C2: variants seen among roughly 807,000 people sequenced by gnomAD.
C2 encodes complement C2, also known as C3/C5 convertase.
In C2, 64 loss-of-function variants were observed where a neutral mutation model predicts 85.2. The ratio of observed to expected loss-of-function variants is 0.75; its 90% CI spans 0.61 to 0.92. C2 has a LOEUF of 0.92. C2 is among the 40% of genes least tolerant of loss of function. The pLI is 0.00. For missense variants in C2, 820 were observed against 971.6 expected, an observed-to-expected ratio of 0.84 and a Z score of 2.07; for synonymous variants, 311 against 370.8, an observed-to-expected ratio of 0.84 and a Z score of 1.85.
chr6:31,912,732 C>G (rs1237383482), intron 1 of C2, among the ~76,000 whole-genome samples: 1 of 151,560 alleles, frequency 6.6e-6, no homozygotes, highest in Non-Finnish European at 1.5e-5. Context: ...CCCAGCTACT[C>G]AGGAGGCTGA....
chr6:31,939,510 CTT>C (rs896123643), intron 9 of C2, among the ~76,000 whole-genome samples, 190 bp downstream of exon 9: 26 of 126,384 alleles, frequency 2.1e-4, no homozygotes, highest in Admixed American at 3.3e-4. Flanking sequence ...ACCTTACCTT[CTT>C]TTTTTTTTTT....
Position 31,928,001 on chromosome 6 carries a change from G to T in C2, c.93G>T (p.Ser31=). ...APSCPQNVNI[S]GGTFTLSHGW... ...CCTGCCCTCAGAACGTGAATATCTC[G>T]GGTGGCACCTTCACCCTCAGCCATG... Residue 31 remains serine, a synonymous_variant, in exon 2 of 18, where the codon TCG becomes TCT. Transcript: ENST00000299367. 6.2e-7 allele frequency: 1 copy of T among 1,614,080 alleles called. No individual in the cohort carries two copies. The highest frequency in any genetic ancestry group is 1.1e-5 in the South Asian group (1 of 91,082).
At chr6:31,942,684 G>A (rs1459770133) in intron 9 of C2, among the ~76,000 whole-genome samples, 1 of 152,168 alleles carries the variant, frequency 6.6e-6, no homozygotes, top group Non-Finnish European at 1.5e-5. Context: ...AGTCTGGGGG[G>A]GAGGAGTGAA....
At chr6:31,899,265 T>TTCTCCTGGGCCAAA (rs1766993494), upstream of C2, among the ~76,000 whole-genome samples, 1 of 69,852 alleles carries the variant, frequency 1.4e-5, no homozygotes, top group Non-Finnish European at 2.7e-5. Flanking sequence ...CCCACCCCCA[T>TTCTCCTGGGCCAAA]GACTATCCAT....
chr6:31,930,134 T>A (rs147906938), intron 3 of C2, among the ~76,000 whole-genome samples: 7,550 of 149,148 alleles, frequency 0.051, 276 homozygotes, highest in South Asian at 0.13. Flanking sequence ...CAGGCTGGAG[T>A]GCAATGGCGC....
upstream of C2, chr6:31,900,472 C>G (rs1398998576): frequency 2.5e-5 from 40 of 1,600,200 alleles, no homozygotes; most frequent in East Asian, 8.8e-4. The surrounding 1 kb of genome is among the most constrained non-coding windows in gnomAD (Gnocchi z 9.7). Context: ...GAATCAACAG[C>G]AGGCCCTCCC....
chr6:31,932,127 C>G (rs1458498385), intron 3 of C2, among the ~76,000 whole-genome samples: 2 of 131,120 alleles, frequency 1.5e-5, no homozygotes, highest in Non-Finnish European at 3.3e-5. Context: ...GCTGACCCCC[C>G]CACCTCCCTC....
chr6:31,917,735 G>A (rs1487411036), upstream of C2, among the ~76,000 whole-genome samples: 2 of 151,830 alleles, frequency 1.3e-5, no homozygotes, highest in African/African-American at 4.8e-5. Context: ...GTGAAACCCC[G>A]TCTCTACTAA....
At chr6:31,933,472 C>T (rs1770093651) in intron 3 of C2, 138 bp from the exon 4 acceptor site, 1 of 812,368 alleles carries the variant, frequency 1.2e-6, no homozygotes, top group Non-Finnish European at 2.0e-6. Flanking sequence ...TTCCCTGGGT[C>T]TCTGGGGGCT....
chr6:31,906,874 C>T (rs1220502224), intron 1 of C2, among the ~76,000 whole-genome samples: 1 of 151,780 alleles, frequency 6.6e-6, no homozygotes, highest in Non-Finnish European at 1.5e-5. Flanking sequence ...CAGTGGCTCA[C>T]ACCTGTAATC....
Position 31,937,353 on chromosome 6 carries a change from G to A in C2, c.1023G>A (p.Ala341=), listed in dbSNP as rs1042663. The A allele has an allele frequency of 0.1, 160,642 of 1,612,312 alleles. 8,985 individuals carry two copies. Among genetic ancestry groups the A allele is most frequent in the African/African-American group, 0.19 (14,214 of 74,828 alleles). ...ATGGAACTGGGACTAACACCTATGCGGCCTTAAACAGTGTCTATCTCATGA... is the reference window on the plus strand; with the variant it reads ...ATGGAACTGGGACTAACACCTATGCAGCCTTAAACAGTGTCTATCTCATGA... ...HENGTGTNTY[A]ALNSVYLMMN... is the part of the protein sequence containing the mutation. Residue 341 remains alanine, a synonymous_variant, in exon 8 of 18, where the codon GCG becomes GCA. Coordinates refer to ENST00000299367, the MANE Select transcript of C2 (RefSeq NM_000063.6).
At chr6:31,942,416 C>T (rs1460080192) in intron 9 of C2, among the ~76,000 whole-genome samples, 1 of 151,378 alleles carries the variant, frequency 6.6e-6, no homozygotes, top group Admixed American at 6.6e-5. Flanking sequence ...ACAATTCCAC[C>T]ATTACAGGGA....
At chr6:31,929,089 C>T (rs190606974) in intron 3 of C2, among the ~76,000 whole-genome samples, 172 bp downstream of exon 3, 27 of 152,346 alleles carry the variant, frequency 1.8e-4, no homozygotes, top group South Asian at 1.2e-3. Context: ...CATCACAAGT[C>T]TGCAAGGGCC....
Position 31,929,746 on chromosome 6 carries a change from AGCCTCGGT to A in C2, c.442+835_442+842del, listed in dbSNP as rs9332709. On this transcript the variant is annotated intron_variant, in intron 3 of 17. Transcript: ENST00000299367. ...AAAAAAAAAAAAAAAAAAAAATGCC[AGCCTCGGT>A]GCCTCACGCCTGTAATCCCAGCACT... Among the ~76,000 whole-genome samples the A allele has an allele frequency of 3.6e-3, 458 of 126,020 alleles. 3 individuals are homozygous for A. Among genetic ancestry groups the A allele is most frequent in the African/African-American group, 0.013 (424 of 33,598 alleles). The allele number at this position is 126,020 out of a possible 152,430, so 82.7% of individuals were successfully genotyped here. A position where few individuals can be genotyped will look rare whatever the true frequency, so the allele number is the denominator to read the frequency against.
intron 8 of C2, among the ~76,000 whole-genome samples, 193 bp from the exon 9 acceptor site, chr6:31,939,038 A>G (rs1482403314): frequency 1.3e-5 from 2 of 152,160 alleles, no homozygotes; most frequent in Non-Finnish European, 2.9e-5. Flanking sequence ...AGCTCAGGCA[A>G]TCCGCCTTCT....
chr6:31,910,037 C>T (rs1208992639), intron 1 of C2, among the ~76,000 whole-genome samples: 10 of 151,504 alleles, frequency 6.6e-5, no homozygotes, highest in Non-Finnish European at 1.0e-4. Flanking sequence ...CGCGCCACCA[C>T]GCCTGGCTAA....
upstream of C2, among the ~76,000 whole-genome samples, chr6:31,925,912 G>C (rs1442338504): frequency 2.0e-5 from 3 of 152,130 alleles, no homozygotes; most frequent in African/African-American, 7.2e-5. Flanking sequence ...CACTGTGTCA[G>C]ACACCCAGGC....
upstream of C2, among the ~76,000 whole-genome samples, chr6:31,924,528 C>A (rs1004736391): frequency 6.6e-6 from 1 of 152,170 alleles, no homozygotes; most frequent in African/African-American, 2.4e-5. Context: ...TAAGAACATA[C>A]TCTGTGGGCC....
intron 1 of C2, chr6:31,901,409 C>A: frequency 7.8e-7 from 1 of 1,282,424 alleles, no homozygotes; most frequent in Non-Finnish European, 1.0e-6. Context: ...CCATTCTTGC[C>A]CAGCCCCCCG....
Sources: allele counts gnomAD v4.1 joint callset (sites outside exome capture counted in the v4.1 genomes callset), GRCh38; gene constraint gnomAD v4.1.1; non-coding constraint Gnocchi (gnomAD v3.1); transcripts MANE v1.5; gene names NCBI Gene and HGNC (gene_info 2026-07-23, HGNC 2026-07-21).